The following EDARADD variants were observed in gnomAD, a reference collection of about 807,000 sequenced individuals.
The protein encoded by EDARADD is ectodysplasin-A receptor-associated adapter protein.
In EDARADD, 20 loss-of-function variants were observed where a neutral mutation model predicts 25.6. The observed-to-expected ratio is 0.78, with a 90% CI of 0.55 to 1.14. EDARADD has a LOEUF of 1.14. EDARADD is among the 50% of genes most tolerant of loss of function. EDARADD has a pLI of 0.00. For missense variants in EDARADD, 225 were observed against 270.1 expected, an observed-to-expected ratio of 0.83 and a Z score of 1.17; for synonymous variants, 86 against 94.4, an observed-to-expected ratio of 0.91 and a Z score of 0.52.
Position 236,365,546 on chromosome 1 carries a change from A to G in EDARADD, c.-6+14707A>G, listed in dbSNP as rs181971540. On this transcript the variant is annotated intron_variant, in intron 3 of 7. Coordinates refer to the EDARADD transcript ENST00000439430. ...GGTCTTGAACTCCTGGCCTCAAGCAATCCTCCCACCTTGGCCTCCCAAAGT... is the reference window on the plus strand; with the variant it reads ...GGTCTTGAACTCCTGGCCTCAAGCAGTCCTCCCACCTTGGCCTCCCAAAGT... Among the ~76,000 whole-genome samples the G allele has an allele frequency of 3.9e-3, 589 of 152,234 alleles. 5 individuals carry two copies. The highest frequency in any genetic ancestry group is 0.013 in the African/African-American group (546 of 41,546).
chr1:236,401,738 G>A lies in EDARADD; in HGVS notation c.61+7233G>A, dbSNP rs144056839. Among the ~76,000 whole-genome samples, 153 of 152,290 alleles carry A rather than the reference G, an allele frequency of 1.0e-3. 1 individual carries two copies. The Middle Eastern group carries it at 0.01, about 10-fold the overall frequency. On this transcript the variant is annotated intron_variant, in intron 1 of 5. Coordinates refer to ENST00000334232, the MANE Select transcript of EDARADD (RefSeq NM_145861.4). The stretch of plus-strand genomic sequence containing the variant: ...GGGGGCAGAGTGTGAACTGTTACGG[G>A]TTGAATTGTGCCCCTCTAAAAAGAT...
intron 3 of EDARADD, among the ~76,000 whole-genome samples, chr1:236,388,269 T>TC (rs1383688038): frequency 1.3e-5 from 2 of 152,116 alleles, no homozygotes; most frequent in African/African-American, 4.8e-5. Flanking sequence ...AATCTTTTTT[T>TC]CACTTTTCTT....
At position 236,348,487 on chromosome 1, in the gene EDARADD, G is replaced by C. The variant is rs1666877725; in HGVS notation, c.-384+203G>C. On this transcript the variant is annotated intron_variant, in intron 1 of 7. Transcript: ENST00000439430. ...GCCAGCCGTCGCCGCGCCCCTCCCT[G>C]GGTCCTCCCACATCCCCGGTTACAG... is the stretch of plus-strand genomic sequence containing the variant. Among the ~76,000 whole-genome samples, 4 of 152,216 alleles carry C rather than the reference G, an allele frequency of 2.6e-5. No individual in the cohort carries two copies. The South Asian group carries it at 6.2e-4, about 24-fold the overall frequency.
chr1:236,474,098 C>A (rs904223853), intron 5 of EDARADD, among the ~76,000 whole-genome samples: 2 of 152,090 alleles, frequency 1.3e-5, no homozygotes, highest in South Asian at 2.1e-4. Context: ...AAACGTCAAG[C>A]CTTGAGGAAG....
chr1:236,446,245 G>A (rs746248377), intron 4 of EDARADD, among the ~76,000 whole-genome samples: 10 of 151,998 alleles, frequency 6.6e-5, no homozygotes, highest in Non-Finnish European at 7.4e-5. Flanking sequence ...GATTGCTTAC[G>A]CCCAGTCTGC....
intron 3 of EDARADD, among the ~76,000 whole-genome samples, chr1:236,353,511 C>A (rs765717255): frequency 1.6e-4 from 24 of 152,064 alleles, no homozygotes; most frequent in Non-Finnish European, 2.9e-4. Flanking sequence ...GAAACCCTGT[C>A]TCTACTAAAA....
intron 2 of EDARADD, among the ~76,000 whole-genome samples, chr1:236,413,064 A>G (rs1657539979): frequency 6.6e-6 from 1 of 152,112 alleles, no homozygotes; most frequent in Non-Finnish European, 1.5e-5. Context: ...GGGTTTCACC[A>G]TGTTGGCGAG....
chr1:236,436,297 C>T (rs566657591), intron 4 of EDARADD, among the ~76,000 whole-genome samples: 17 of 152,176 alleles, frequency 1.1e-4, no homozygotes, highest in Non-Finnish European at 1.9e-4. Context: ...GCTCGAACTA[C>T]AGGCGTGCAC....
intron 3 of EDARADD, among the ~76,000 whole-genome samples, chr1:236,368,038 GT>G (rs1204875213): frequency 2.0e-5 from 3 of 151,914 alleles, no homozygotes; most frequent in Admixed American, 2.0e-4. Context: ...GAGCCCAAGA[GT>G]TTGAGACCAG....
chr1:236,356,694 C>T lies in EDARADD; in HGVS notation c.-6+5855C>T, dbSNP rs963374876. Among the ~76,000 whole-genome samples the T allele has an allele frequency of 2.6e-5, 4 of 152,118 alleles. No individual in the cohort carries two copies. In the South Asian group the frequency reaches 6.2e-4, roughly 24 times the overall value. On this transcript the variant is annotated intron_variant, in intron 3 of 7. Coordinates refer to the EDARADD transcript ENST00000439430. ...CAAGAATCAAGGCTGTGGCTTCAAACAGTACGAATAATCATAGTCTCTACT... is the reference window on the plus strand; with the variant it reads ...CAAGAATCAAGGCTGTGGCTTCAAATAGTACGAATAATCATAGTCTCTACT...
At chr1:236,406,602 T>C (rs998241819) in intron 1 of EDARADD, among the ~76,000 whole-genome samples, 1 of 152,198 alleles carries the variant, frequency 6.6e-6, no homozygotes, top group Admixed American at 6.5e-5. Flanking sequence ...GGAAAAGGTA[T>C]GGTGAGAAGA....
At chr1:236,394,086 G>T (rs535381206), upstream of EDARADD, among the ~76,000 whole-genome samples, 1 of 152,032 alleles carries the variant, frequency 6.6e-6, no homozygotes, top group South Asian at 2.1e-4. Context: ...TTACATTTCA[G>T]AGTTTCAAAA....
intron 4 of EDARADD, among the ~76,000 whole-genome samples, chr1:236,450,383 T>C (rs950740151): frequency 6.6e-6 from 1 of 152,156 alleles, no homozygotes; most frequent in African/African-American, 2.4e-5. Flanking sequence ...TGTATAGTTA[T>C]AGTCACACTG....
chr1:236,395,415 T>C lies in EDARADD; in HGVS notation c.61+910T>C. On this transcript the variant is annotated intron_variant, in intron 1 of 5. Coordinates refer to ENST00000334232, the MANE Select transcript of EDARADD (RefSeq NM_145861.4). This position sits in a 1 kb window ranked among gnomAD's most constrained non-coding sequence, Gnocchi z 6.9. ...GGGACGCGCAGCGAAGGGGCTTTGCTAATTGCCAAAGCAGGAAGTGAGCTC... is the reference window on the plus strand; with the variant it reads ...GGGACGCGCAGCGAAGGGGCTTTGCCAATTGCCAAAGCAGGAAGTGAGCTC... 6.9e-7 allele frequency: 1 copy of C among 1,441,678 alleles called. No homozygotes were observed. The highest frequency in any genetic ancestry group is 1.4e-5 in the South Asian group (1 of 70,638). 89.3% of individuals were successfully genotyped at this position (1,441,678 alleles called of 1,614,324 possible).
chr1:236,441,580 A>G lies in EDARADD; in HGVS notation c.219+14130A>G, dbSNP rs540034012. On this transcript the variant is annotated intron_variant, in intron 4 of 5. Coordinates refer to ENST00000334232, the MANE Select transcript of EDARADD (RefSeq NM_145861.4). ...ACTCTATTGACCAGGCTGGAGTGCA[A>G]TGGTGCGATCTCCGCTCACTGCAAC... is the stretch of plus-strand genomic sequence containing the variant. 1.1e-3 allele frequency among the ~76,000 whole-genome samples: 167 copies of G among 149,508 alleles called. 1 individual carries two copies. Among genetic ancestry groups the G allele is most frequent in the South Asian group, 5.7e-3 (27 of 4,740 alleles).
At chr1:236,431,194 G>GCAGATATAA (rs1658086195) in intron 4 of EDARADD, among the ~76,000 whole-genome samples, 1 of 152,154 alleles carries the variant, frequency 6.6e-6, no homozygotes, top group Non-Finnish European at 1.5e-5. Flanking sequence ...CCTTTTTAGT[G>GCAGATATAA]ATTTTTATAA....
At chr1:236,352,709 G>A (rs368505260) in intron 3 of EDARADD, among the ~76,000 whole-genome samples, 18 of 152,266 alleles carry the variant, frequency 1.2e-4, no homozygotes, top group Non-Finnish European at 1.8e-4. Flanking sequence ...TTAGCCGGGC[G>A]TGGTGGTGGG....
intron 4 of EDARADD, among the ~76,000 whole-genome samples, chr1:236,446,665 G>T (rs1571939815): frequency 6.6e-6 from 1 of 152,282 alleles, no homozygotes; most frequent in Admixed American, 6.5e-5. Flanking sequence ...AAAATGCTGT[G>T]CATGAAATAG....
At chr1:236,355,433 G>A (rs1666961912) in intron 3 of EDARADD, among the ~76,000 whole-genome samples, 1 of 149,704 alleles carries the variant, frequency 6.7e-6, no homozygotes, top group Non-Finnish European at 1.5e-5. Flanking sequence ...TTTTGCTAAT[G>A]CATCCTGTGC....
Sources: allele counts gnomAD v4.1 joint callset (sites outside exome capture counted in the v4.1 genomes callset), GRCh38; gene constraint gnomAD v4.1.1; non-coding constraint Gnocchi (gnomAD v3.1); transcripts MANE v1.5; gene names NCBI Gene and HGNC (gene_info 2026-07-23, HGNC 2026-07-21).